Variants in HMSD observed in about 807,000 individuals in gnomAD.
HMSD encodes the protein histocompatibility minor serpin domain containing, also known as serpin-like protein HMSD.
A neutral mutation model predicts 10.0 loss-of-function variants in HMSD; 13 were observed. The ratio of observed to expected loss-of-function variants is 1.31; its 90% confidence interval spans 0.85 to 2.08. HMSD has a LOEUF of 2.08. HMSD is among the 30% of genes most tolerant of loss of function. The probability of loss-of-function intolerance (pLI) is 0.00; values close to 1 mark genes in which losing one functional copy is unlikely to be tolerated. For missense variants in HMSD, 169 were observed against 166.3 expected, an observed-to-expected ratio of 1.02 and a Z score of -0.09; for synonymous variants, 51 against 54.2, an observed-to-expected ratio of 0.94 and a Z score of 0.26.
intron 3 of HMSD, among the ~76,000 whole-genome samples, chr18:63,957,837 AATTT>A (rs2050367047): frequency 6.6e-6 from 1 of 152,160 alleles, no homozygotes; most frequent in African/African-American, 2.4e-5. Context: ...ATTTCAGATT[AATTT>A]ATTATTTATT....
downstream of HMSD, among the ~76,000 whole-genome samples, chr18:63,963,868 C>A (rs2050400214): frequency 6.6e-6 from 1 of 152,180 alleles, no homozygotes; most frequent in Non-Finnish European, 1.5e-5. Context: ...AGTAGAAATG[C>A]ACTTTCTGGA....
chr18:63,952,305 G>A (rs72943540), intron 1 of HMSD, among the ~76,000 whole-genome samples: 5,580 of 151,384 alleles, frequency 0.037, 165 homozygotes, highest in Non-Finnish European at 0.056. Flanking sequence ...AAAAGATCTC[G>A]CCTAGTGTTA....
intron 3 of HMSD, among the ~76,000 whole-genome samples, chr18:63,969,005 G>A (rs2050427072): frequency 6.6e-6 from 1 of 152,172 alleles, no homozygotes; most frequent in Admixed American, 6.5e-5. Context: ...TAATTGGTTT[G>A]GGGTGCAGAG....
chr18:63,963,122 TTTC>T (rs1234317959), downstream of HMSD, among the ~76,000 whole-genome samples: 1,105 of 131,986 alleles, frequency 8.4e-3, 19 homozygotes, highest in Non-Finnish European at 0.013. Flanking sequence ...TCTTTCTTTC[TTTC>T]TTTCTTTCCT....
At chr18:63,953,075 T>C (rs2050339426) in intron 1 of HMSD, among the ~76,000 whole-genome samples, 1 of 152,210 alleles carries the variant, frequency 6.6e-6, no homozygotes, top group Non-Finnish European at 1.5e-5. Context: ...TGCCTACTTT[T>C]CTGTTTGTAG....
chr18:63,963,073 CTTTCT>C (rs2050393624), downstream of HMSD, among the ~76,000 whole-genome samples: 1 of 6,740 alleles, frequency 1.5e-4, no homozygotes, highest in African/African-American at 3.0e-4. Context: ...TTTTCTTTCT[CTTTCT>C]TTCTTTCTTT....
In HMSD at chr18:63,956,092, T is replaced by C. The variant is rs1029317483; in HGVS notation, c.222+1535T>C. Among the ~76,000 whole-genome samples the C allele has an allele frequency of 3.3e-5, 5 of 152,116 alleles. No individual in the cohort carries two copies. In the South Asian group the frequency reaches 6.2e-4, roughly 19 times the overall value. On this transcript the variant is annotated intron_variant, in intron 3 of 3. Transcript: ENST00000408945. Reference sequence around the variant, plus strand: ...GCCACAGCCCCAGTAGAGGCCACAGTTGTGGTTCCTGGGAGAAGTAAGATT... The same window carrying C: ...GCCACAGCCCCAGTAGAGGCCACAGCTGTGGTTCCTGGGAGAAGTAAGATT...
At chr18:63,952,474 C>T (rs78011871) in intron 1 of HMSD, among the ~76,000 whole-genome samples, 1,738 of 152,032 alleles carry the variant, frequency 0.011, 29 homozygotes, top group African/African-American at 0.04. Context: ...TCAGTGTTTC[C>T]CTGTAGTCTT....
At chr18:63,967,190 T>A (rs971606440) in intron 3 of HMSD, among the ~76,000 whole-genome samples, 1 of 152,116 alleles carries the variant, frequency 6.6e-6, no homozygotes, top group Non-Finnish European at 1.5e-5. Context: ...CAGGCTGGAG[T>A]GCAGTGGCAC....
chr18:63,968,641 T>G (rs1203710393), intron 3 of HMSD: 1 of 152,254 alleles, frequency 6.6e-6, no homozygotes, highest in African/African-American at 2.4e-5. Flanking sequence ...CAAGCATTTT[T>G]CATCTTTTAA....
intron 1 of HMSD, among the ~76,000 whole-genome samples, chr18:63,951,571 C>A (rs1413750150): frequency 6.6e-6 from 1 of 151,992 alleles, no homozygotes; most frequent in Non-Finnish European, 1.5e-5. Context: ...GGGAATTTGC[C>A]ATAGATTTTT....
chr18:63,956,967 C>T (rs1599110171), intron 3 of HMSD, among the ~76,000 whole-genome samples: 2 of 151,912 alleles, frequency 1.3e-5, no homozygotes, highest in South Asian at 2.1e-4. Flanking sequence ...CAAACTAATA[C>T]GGGAGTAGGA....
At chr18:63,956,404 A>G (rs72943550) in intron 3 of HMSD, among the ~76,000 whole-genome samples, 6,475 of 152,230 alleles carry the variant, frequency 0.043, 188 homozygotes, top group Non-Finnish European at 0.056. Flanking sequence ...ACACAACTCC[A>G]TTAAAAAGTG....
rs2050385199 is a variant in HMSD, at chr18:63,961,258, AAATG to A, written c.*909_*912del. Reference sequence around the variant, plus strand: ...CAAATCATTTCAATATGAATTATGAAAATGAATGATAATGGTTTTATCTGTTATA... The same window carrying A: ...CAAATCATTTCAATATGAATTATGAAAATGATAATGGTTTTATCTGTTATA... On this transcript the variant is annotated 3_prime_UTR_variant, in exon 4 of 4. Transcript: ENST00000408945. 6.6e-6 allele frequency: 1 copy of A among 152,152 alleles called. No individual in the cohort carries two copies. Among genetic ancestry groups the A allele is most frequent in the Admixed American group, 6.5e-5 (1 of 15,280 alleles). The allele number at this position is 152,152 out of a possible 1,614,324, so 9.4% of individuals were successfully genotyped here.
downstream of HMSD, among the ~76,000 whole-genome samples, chr18:63,964,785 C>A (rs1400061853): frequency 6.6e-6 from 1 of 152,020 alleles, no homozygotes; most frequent in Non-Finnish European, 1.5e-5. Context: ...TTTATTTTAC[C>A]CCAATCAACT....
In HMSD at chr18:63,961,404, T is replaced by C. The variant is rs2050385982; in HGVS notation, c.*1049T>C. ...TGTTTGTCATATTCTCTTTGAAGAG[T>C]TATCATTCACTATTTTATTTCTGTC... On this transcript the variant is annotated 3_prime_UTR_variant, in exon 4 of 4. Coordinates refer to ENST00000408945, the MANE Select transcript of HMSD (RefSeq NM_001123366.2). 6.6e-6 allele frequency: 1 copy of C among 152,200 alleles called. No individual in the cohort carries two copies. The highest frequency in any genetic ancestry group is 1.5e-5 in the Non-Finnish European group (1 of 68,036). 9.4% of individuals were successfully genotyped at this position (152,200 alleles called of 1,614,324 possible).
downstream of HMSD, among the ~76,000 whole-genome samples, chr18:63,965,371 T>G (rs759420202): frequency 6.6e-6 from 1 of 152,200 alleles, no homozygotes; most frequent in Non-Finnish European, 1.5e-5. Flanking sequence ...ACACATTCAA[T>G]CAAAGCACGA....
downstream of HMSD, among the ~76,000 whole-genome samples, chr18:63,965,483 C>T (rs538362158): frequency 1.8e-4 from 28 of 152,268 alleles, no homozygotes; most frequent in South Asian, 1.0e-3. Flanking sequence ...GAGAGACTGA[C>T]GATTCACTAA....
At position 63,954,456 on chromosome 18, in the gene HMSD, G is replaced by C. The variant is rs1323494848; in HGVS notation, c.121G>C (p.Gly41Arg). ...AGGTGAAGATGGAGATATTCATCGA[G>C]GTTTTCAGTCACTTCTTGTTGCAAT... ...IGGEDGDIHR[G>R]FQSLLVAINR... The change falls in exon 3 of 4, where the codon GGT (glycine) becomes CGT (arginine). Residue 41 changes from glycine (G) to arginine (R), a missense_variant. Coordinates refer to ENST00000408945, the MANE Select transcript of HMSD (RefSeq NM_001123366.2). 6.2e-7 allele frequency: 1 copy of C among 1,613,370 alleles called. No homozygotes were observed. Among genetic ancestry groups the C allele is most frequent in the East Asian group, 2.2e-5 (1 of 44,872 alleles).
Sources: gnomAD v4.1 joint callset for allele counts (sites outside exome capture counted in the v4.1 genomes callset) on GRCh38, gnomAD v4.1.1 for gene constraint, MANE v1.5 for transcripts, NCBI Gene and HGNC (gene_info 2026-07-23, HGNC 2026-07-21) for gene names.